Variants in ADAT1 observed in about 807,000 individuals in gnomAD.
ADAT1 encodes adenosine deaminase tRNA specific 1.
A neutral mutation model predicts 58.6 loss-of-function variants in ADAT1; 58 were observed. The ratio of observed to expected loss-of-function variants is 0.99; its 90% CI spans 0.80 to 1.23. ADAT1 has a LOEUF of 1.23. Ranked by LOEUF, ADAT1 falls within the 50% of genes most tolerant of loss-of-function variation. ADAT1 has a pLI of 0.00. For synonymous variants in ADAT1, 254 were observed against 220.8 expected, an observed-to-expected ratio of 1.15 and a Z score of -1.33; for missense variants, 741 against 608.6, an observed-to-expected ratio of 1.22 and a Z score of -2.29.
intron 5 of ADAT1, among the ~76,000 whole-genome samples, chr16:75,616,576 C>T (rs1349685737): frequency 6.6e-6 from 1 of 152,088 alleles, no homozygotes; most frequent in East Asian, 1.9e-4. Flanking sequence ...AAATGACACC[C>T]CCTTCACCCC....
intron 4 of ADAT1, 45 bp from the exon 5 acceptor site, chr16:75,617,317 G>C: frequency 6.3e-7 from 1 of 1,593,528 alleles, no homozygotes; most frequent in African/African-American, 1.3e-5. Flanking sequence ...CGATCTCTGT[G>C]GTAAGGGGAA....
chr16:75,604,470 T>TACAC (rs1330492035), intron 8 of ADAT1, among the ~76,000 whole-genome samples: 5 of 64,068 alleles, frequency 7.8e-5, no homozygotes, highest in African/African-American at 3.8e-4. Context: ...TATATATATA[T>TACAC]ATATACACAC....
intron 5 of ADAT1, 138 bp from the exon 6 acceptor site, chr16:75,612,999 A>C: frequency 9.4e-7 from 1 of 1,058,994 alleles, no homozygotes; most frequent in Non-Finnish European, 1.3e-6. Context: ...GAAACTCCGG[A>C]GGCAGAGCCC....
At chr16:75,608,708 G>A in intron 7 of ADAT1, 135 bp downstream of exon 7, 3 of 1,059,654 alleles carry the variant, frequency 2.8e-6, no homozygotes, top group South Asian at 3.4e-5. Flanking sequence ...CCCACTATGG[G>A]TGTCTCTAAA....
chr16:75,608,657 G>A (rs2081433333), intron 7 of ADAT1, among the ~76,000 whole-genome samples, 186 bp downstream of exon 7: 1 of 152,206 alleles, frequency 6.6e-6, no homozygotes, highest in Admixed American at 6.5e-5. Context: ...GGCCAAGGGA[G>A]GGTAAATAAC....
intron 9 of ADAT1, among the ~76,000 whole-genome samples, chr16:75,602,265 G>C (rs2081251819): frequency 6.6e-6 from 1 of 152,232 alleles, no homozygotes; most frequent in Non-Finnish European, 1.5e-5. Flanking sequence ...TGATGTCTGA[G>C]TGAGATTCCT....
In ADAT1 at chr16:75,599,013, G is replaced by A. The variant is rs1226438499; in HGVS notation, c.*1203C>T. On this transcript the variant is annotated 3_prime_UTR_variant, in exon 10 of 10. Transcript: ENST00000564657. The stretch of plus-strand genomic sequence containing the variant: ...GTCTGAAGTTGAGTGTTAAACATTC[G>A]ATGTTAAAACAGGATTGGCTGCTGG... The A allele has an allele frequency of 4.1e-5, 40 of 984,216 alleles. No homozygotes were observed. The highest frequency in any genetic ancestry group is 4.8e-5 in the Non-Finnish European group (40 of 829,816). The allele number at this position is 984,216 out of a possible 1,614,324, so 61.0% of individuals were successfully genotyped here.
Position 75,598,954 on chromosome 16 carries a change from C to T in ADAT1, c.*1262G>A, listed in dbSNP as rs2151734948. 1 of 985,228 alleles carries T rather than the reference C, an allele frequency of 1.0e-6. No individual in the cohort carries two copies. Among genetic ancestry groups the T allele is most frequent in the Non-Finnish European group, 1.2e-6 (1 of 829,936 alleles). The allele number at this position is 985,228 out of a possible 1,614,324, so 61.0% of individuals were successfully genotyped here. On this transcript the variant is annotated 3_prime_UTR_variant, in exon 10 of 10. Transcript: ENST00000564657. Reference sequence around the variant, plus strand: ...CAATAAGGACCTTGAGTAACCCCAACATGGGAGCTTCCATTTTCAGTCAAT... The same window carrying T: ...CAATAAGGACCTTGAGTAACCCCAATATGGGAGCTTCCATTTTCAGTCAAT...
At chr16:75,619,893 CAAA>C (rs750598792) in intron 3 of ADAT1, 2,336 of 97,142 alleles carry the variant, frequency 0.024, no homozygotes, top group South Asian at 0.041. Flanking sequence ...GACTCCGAGT[CAAA>C]AAAAAAAAAA....
chr16:75,608,354 C>G, intron 7 of ADAT1, 31 bp from the exon 8 acceptor site: 1 of 1,553,746 alleles, frequency 6.4e-7, no homozygotes, highest in Non-Finnish European at 8.9e-7. Flanking sequence ...AGGGTTAAAA[C>G]TGCTCAATTT....
At chr16:75,602,316 C>T (rs902144559) in intron 9 of ADAT1, among the ~76,000 whole-genome samples, 1 of 152,354 alleles carries the variant, frequency 6.6e-6, no homozygotes, top group South Asian at 2.1e-4. Context: ...GGTGATATGT[C>T]CTGAGGACAT....
chr16:75,616,359 C>T (rs2081724982), intron 5 of ADAT1, among the ~76,000 whole-genome samples: 1 of 152,194 alleles, frequency 6.6e-6, no homozygotes, highest in Non-Finnish European at 1.5e-5. Context: ...ATGATCAAAT[C>T]TACACAGCTA....
At chr16:75,614,015 C>T (rs1489834793) in intron 5 of ADAT1, among the ~76,000 whole-genome samples, 1 of 151,986 alleles carries the variant, frequency 6.6e-6, no homozygotes, top group East Asian at 1.9e-4. Flanking sequence ...TATGGTGAAA[C>T]CCTGTCTCTA....
chr16:75,600,428 A>G (rs988825281), intron 9 of ADAT1, 80 bp from the exon 10 acceptor site: 3 of 1,570,098 alleles, frequency 1.9e-6, no homozygotes, highest in Non-Finnish European at 2.6e-6. Context: ...TGAGCAAGCA[A>G]CTGGACAGAC....
rs1555508674 is a variant in ADAT1, at chr16:75,604,456, A to AAAAAAAAAAAT, written c.1290-1286_1290-1285insATTTTTTTTTT. Among the ~76,000 whole-genome samples the AAAAAAAAAAAT allele has an allele frequency of 2.9e-4, 14 of 48,778 alleles. 1 individual carries two copies. Among genetic ancestry groups the AAAAAAAAAAAT allele is most frequent in the African/African-American group, 1.1e-3 (8 of 7,136 alleles). 32.0% of individuals were successfully genotyped at this position (48,778 alleles called of 152,430 possible). ...TCAAAAAAAAAAAAAAAAAAAAAAA[A>AAAAAAAAAAAT]ATATATATATATATATATACACACA... On this transcript the variant is annotated intron_variant, in intron 8 of 9. Coordinates refer to ENST00000564657, the MANE Select transcript of ADAT1 (RefSeq NM_001324445.2).
chr16:75,620,903 G>T, intron 1 of ADAT1, 83 bp from the exon 2 acceptor site: 3 of 1,235,258 alleles, frequency 2.4e-6, no homozygotes, highest in African/African-American at 1.5e-5. Flanking sequence ...CATGCTTCGA[G>T]TCTTTCAAAT....
chr16:75,597,344 G>C lies in ADAT1; in HGVS notation c.*2872C>G, dbSNP rs1424282189. 4.4e-6 allele frequency: 2 copies of C among 450,248 alleles called. No homozygotes were observed. Among genetic ancestry groups the C allele is most frequent in the Admixed American group, 4.8e-5 (2 of 41,670 alleles). 27.9% of individuals were successfully genotyped at this position (450,248 alleles called of 1,614,324 possible). Reference sequence around the variant, plus strand: ...CCATGTGAAGACGGAGGGAGAAACTGAAGTGATGCAGCCACAAGCCAAGGA... The same window carrying C: ...CCATGTGAAGACGGAGGGAGAAACTCAAGTGATGCAGCCACAAGCCAAGGA... On this transcript the variant is annotated 3_prime_UTR_variant, in exon 10 of 10. Transcript: ENST00000564657.
At chr16:75,607,501 CAAAA>C (rs200929671) in intron 8 of ADAT1, among the ~76,000 whole-genome samples, 2 of 102,198 alleles carry the variant, frequency 2.0e-5, no homozygotes. Flanking sequence ...GACTCTATCT[CAAAA>C]AAAAAAAAAA....
chr16:75,617,789 G>C (rs1461955226), intron 4 of ADAT1, among the ~76,000 whole-genome samples: 2 of 151,548 alleles, frequency 1.3e-5, no homozygotes, highest in African/African-American at 4.8e-5. Context: ...AATCAAGTTT[G>C]AGTACCACTA....
Sources: gnomAD v4.1 joint callset for allele counts (sites outside exome capture counted in the v4.1 genomes callset) on GRCh38, gnomAD v4.1.1 for gene constraint, MANE v1.5 for transcripts, NCBI Gene and HGNC (gene_info 2026-07-23, HGNC 2026-07-21) for gene names.